Variants in USH2A observed in about 807,000 individuals in gnomAD.
USH2A encodes Usher syndrome 2A (autosomal recessive, mild).
Under a neutral mutation model 538.9 loss-of-function variants are expected in USH2A, and 443 were observed. The ratio of observed to expected loss-of-function variants is 0.82; its 90% CI spans 0.76 to 0.89. The LOEUF is 0.89. Ranked by LOEUF, USH2A falls within the 40% of genes least tolerant of loss-of-function variation. The probability of loss-of-function intolerance (pLI) is 0.00; values close to 1 mark genes in which losing one functional copy is unlikely to be tolerated. For synonymous variants in USH2A, 2,413 were observed against 2,273.5 expected (o/e 1.06, Z -1.75); for missense variants, 6,633 against 6,324.8 (o/e 1.05, Z -1.65).
intron 32 of USH2A, among the ~76,000 whole-genome samples, chr1:216,035,420 A>T (rs1156496678): frequency 6.6e-6 from 1 of 152,154 alleles, no homozygotes; most frequent in African/African-American, 2.4e-5. Context: ...AACAACCAAA[A>T]CAAGGAGAGA....
At chr1:215,998,760 T>C in intron 34 of USH2A, 127 bp downstream of exon 34, 3 of 1,003,518 alleles carry the variant, frequency 3.0e-6, no homozygotes, top group Admixed American at 2.1e-5. Flanking sequence ...GTTTTCAGTA[T>C]AAACAGCAAT....
intron 44 of USH2A, among the ~76,000 whole-genome samples, chr1:215,859,906 T>G (rs891029404): frequency 4.6e-5 from 7 of 152,150 alleles, no homozygotes; most frequent in African/African-American, 1.2e-4. Context: ...AGTGTACTAG[T>G]TTTGGAAGAT....
intron 62 of USH2A, among the ~76,000 whole-genome samples, chr1:215,678,409 T>C (rs2102670039): frequency 6.6e-6 from 1 of 152,296 alleles, no homozygotes; most frequent in African/African-American, 2.4e-5. Flanking sequence ...TTTCCTTGAA[T>C]ACACCAAGTT....
At chr1:216,344,585 C>T (rs1431110336) in intron 4 of USH2A, among the ~76,000 whole-genome samples, 2 of 151,940 alleles carry the variant, frequency 1.3e-5, no homozygotes, top group African/African-American at 2.4e-5. Context: ...AGGGACAACA[C>T]GGAGGAGACT....
intron 47 of USH2A, among the ~76,000 whole-genome samples, chr1:215,819,852 TG>T (rs1662964161): frequency 1.3e-5 from 2 of 151,800 alleles, no homozygotes; most frequent in South Asian, 4.1e-4. Flanking sequence ...AGAAGAGTAT[TG>T]GGTTTAACAT....
At chr1:216,102,617 GC>G (rs1303148557) in intron 21 of USH2A, among the ~76,000 whole-genome samples, 4 of 152,056 alleles carry the variant, frequency 2.6e-5, no homozygotes, top group African/African-American at 9.6e-5. Flanking sequence ...GGATAACACG[GC>G]GAAACCTCGT....
rs565760098 is a variant in USH2A, at chr1:216,073,131, C to T, written c.5742G>A (p.Gln1914=). 5.6e-6 allele frequency: 9 copies of T among 1,613,876 alleles called. No homozygotes were observed. The South Asian group carries it at 7.7e-5, about 14-fold the overall frequency. The change falls in exon 28 of 72, where the codon CAG becomes CAA. Residue 1914 remains glutamine, a synonymous_variant. Transcript: ENST00000307340. ...GCTGGAGACCACCCTCGTAAACACT[C>T]TGCTCTTTTCCCTGGTAAACCAGGA... The part of the protein sequence containing the change: ...DSILVYQGKE[Q]SVYEGGLQPF...
intron 4 of USH2A, among the ~76,000 whole-genome samples, chr1:216,328,878 A>T (rs1199392298): frequency 6.6e-6 from 1 of 151,996 alleles, no homozygotes; most frequent in Non-Finnish European, 1.5e-5. Flanking sequence ...TATATTAAAT[A>T]ATATATTTGA....
chr1:215,800,949 A>G (rs1022783899), intron 49 of USH2A, among the ~76,000 whole-genome samples: 3 of 152,208 alleles, frequency 2.0e-5, no homozygotes, highest in African/African-American at 7.2e-5. Context: ...AGCGGGATAT[A>G]TCCCTGGAAT....
At chr1:215,823,621 A>G (rs1390198349) in intron 47 of USH2A, among the ~76,000 whole-genome samples, 1 of 152,024 alleles carries the variant, frequency 6.6e-6, no homozygotes, top group Non-Finnish European at 1.5e-5. Flanking sequence ...TCTTTTAAAA[A>G]GCTTTCTACC....
chr1:216,293,249 C>A (rs1279269653), intron 9 of USH2A, among the ~76,000 whole-genome samples: 1 of 152,154 alleles, frequency 6.6e-6, no homozygotes, highest in African/African-American at 2.4e-5. Context: ...TGGTCTCGAT[C>A]TCCTGACCTC....
intron 21 of USH2A, among the ~76,000 whole-genome samples, chr1:216,162,341 A>G (rs1423164991): frequency 6.6e-6 from 1 of 151,726 alleles, no homozygotes; most frequent in South Asian, 2.1e-4. Flanking sequence ...TTTTCCTATT[A>G]ATTACTGTAC....
intron 58 of USH2A, 36 bp from the exon 59 acceptor site, chr1:215,743,371 C>T (rs1238466529): frequency 1.7e-5 from 7 of 406,178 alleles, no homozygotes; most frequent in East Asian, 1.3e-4. Flanking sequence ...ACATTAAAAA[C>T]ATATATATAT....
chr1:216,137,375 C>T (rs934941242), intron 21 of USH2A, among the ~76,000 whole-genome samples: 4 of 152,030 alleles, frequency 2.6e-5, no homozygotes, highest in Non-Finnish European at 5.9e-5. Flanking sequence ...GCACTTCTTA[C>T]GTGGTGGCAG....
At chr1:216,051,462 T>C (rs1184789314) in intron 30 of USH2A, among the ~76,000 whole-genome samples, 1 of 152,262 alleles carries the variant, frequency 6.6e-6, no homozygotes, top group African/African-American at 2.4e-5. Context: ...TTGCCATGTC[T>C]TTCCTATTGC....
At chr1:216,334,660 CAA>C (rs1241982952) in intron 4 of USH2A, among the ~76,000 whole-genome samples, 1 of 151,816 alleles carries the variant, frequency 6.6e-6, no homozygotes, top group East Asian at 1.9e-4. Context: ...AAACAATAAC[CAA>C]AAGAGAGCTT....
intron 21 of USH2A, among the ~76,000 whole-genome samples, chr1:216,152,563 G>A (rs1383385193): frequency 4.6e-5 from 7 of 151,650 alleles, no homozygotes; most frequent in Non-Finnish European, 1.0e-4. Context: ...CTATAAAACG[G>A]CCCCACCCTT....
intron 61 of USH2A, among the ~76,000 whole-genome samples, chr1:215,696,726 G>A (rs12095898): frequency 0.8 from 121,440 of 151,994 alleles, 48,945 homozygotes; most frequent in East Asian, 1. Context: ...TTACAAATGG[G>A]GGCATGGTGG....
intron 34 of USH2A, among the ~76,000 whole-genome samples, chr1:215,993,799 A>G (rs1312833346): frequency 4.6e-5 from 7 of 152,206 alleles, no homozygotes; most frequent in Non-Finnish European, 1.0e-4. Context: ...GTGTCAGAGT[A>G]GATAGGCTTC....
Sources: allele counts gnomAD v4.1 joint callset (sites outside exome capture counted in the v4.1 genomes callset), GRCh38; gene constraint gnomAD v4.1.1; transcripts MANE v1.5; gene names NCBI Gene and HGNC (gene_info 2026-07-23, HGNC 2026-07-21).